PALLD: variants seen among roughly 807,000 people sequenced by gnomAD.
PALLD encodes palladin, cytoskeletal associated protein.
Under a neutral mutation model 123.5 loss-of-function variants are expected in PALLD, and 61 were observed. The ratio of observed to expected loss-of-function variants is 0.49; its 90% CI spans 0.40 to 0.61. The LOEUF is 0.61. PALLD is among the 20% of genes least tolerant of loss of function. PALLD has a pLI of 0.00. For synonymous variants in PALLD, 465 were observed against 496.4 expected (o/e 0.94, Z 0.84); for missense variants, 1,273 against 1,377.0 (o/e 0.92, Z 1.20).
rs1475325283 is a variant in PALLD, at chr4:168,881,264, T to C, written c.1965-9658T>C. ...CTGTTTTATTCTGTTTGTTTCACAC[T>C]GTTCTTATTTTCATCTGTAGACAGG... On this transcript the variant is annotated intron_variant, in intron 10 of 21. Coordinates refer to ENST00000505667, the MANE Select transcript of PALLD (RefSeq NM_001166108.2). Among the ~76,000 whole-genome samples, 4 of 152,272 alleles carry C rather than the reference T, an allele frequency of 2.6e-5. No homozygotes were observed. The East Asian group carries it at 7.8e-4, about 30-fold the overall frequency.
chr4:168,921,822 CAAT>C (rs1761566789), intron 18 of PALLD, 81 bp downstream of exon 18: 2 of 1,112,716 alleles, frequency 1.8e-6, no homozygotes, highest in Non-Finnish European at 2.7e-6. Flanking sequence ...CATTACTAAC[CAAT>C]ACGGAAAATA....
intron 10 of PALLD, among the ~76,000 whole-genome samples, chr4:168,815,191 A>G (rs1260199405): frequency 6.6e-6 from 1 of 152,210 alleles, no homozygotes; most frequent in Non-Finnish European, 1.5e-5. Flanking sequence ...TCTCATGGAC[A>G]TATGCTTGTG....
chr4:168,689,886 T>A (rs1470799204), intron 6 of PALLD, among the ~76,000 whole-genome samples: 1 of 152,216 alleles, frequency 6.6e-6, no homozygotes, highest in Non-Finnish European at 1.5e-5. Flanking sequence ...TAAGAACAAG[T>A]ATAAAAGCTT....
At chr4:168,768,071 A>C (rs1733918454) in intron 10 of PALLD, among the ~76,000 whole-genome samples, 1 of 152,192 alleles carries the variant, frequency 6.6e-6, no homozygotes. Context: ...TTCAAGACGT[A>C]GTTCAAATGT....
At chr4:168,748,626 G>T (rs1730623415) in intron 10 of PALLD, among the ~76,000 whole-genome samples, 1 of 152,192 alleles carries the variant, frequency 6.6e-6, no homozygotes, top group Non-Finnish European at 1.5e-5. Context: ...TCACAAGGCT[G>T]CAATCAAGGT....
At chr4:168,636,184 A>G (rs1295611480) in intron 2 of PALLD, among the ~76,000 whole-genome samples, 2 of 152,148 alleles carry the variant, frequency 1.3e-5, no homozygotes, top group African/African-American at 2.4e-5. Flanking sequence ...TTTGACCTCA[A>G]ACTCAGAACT....
chr4:168,802,303 T>C (rs1216910618), intron 10 of PALLD, among the ~76,000 whole-genome samples: 8 of 152,190 alleles, frequency 5.3e-5, no homozygotes, highest in East Asian at 1.9e-4. Flanking sequence ...GCTTTTTGGC[T>C]CACTCAGAGG....
chr4:168,845,216 C>T (rs1050202941), intron 10 of PALLD, among the ~76,000 whole-genome samples: 2 of 152,174 alleles, frequency 1.3e-5, no homozygotes, highest in African/African-American at 4.8e-5. Flanking sequence ...TGCTTTCTAT[C>T]AAGGGATACG....
intron 10 of PALLD, among the ~76,000 whole-genome samples, chr4:168,758,557 A>G (rs529006353): frequency 1.4e-4 from 21 of 152,198 alleles, no homozygotes; most frequent in Non-Finnish European, 2.2e-4. Context: ...AACTTGGTGA[A>G]CCATAAACCT....
chr4:168,789,710 A>AG (rs1432502739), intron 10 of PALLD, among the ~76,000 whole-genome samples: 1 of 152,034 alleles, frequency 6.6e-6, no homozygotes, highest in Non-Finnish European at 1.5e-5. Flanking sequence ...CTCAAAAAAA[A>AG]AAAAAAAAAA....
chr4:168,659,876 T>C (rs1205794673), intron 2 of PALLD, among the ~76,000 whole-genome samples: 1 of 152,232 alleles, frequency 6.6e-6, no homozygotes, highest in Admixed American at 6.5e-5. Context: ...TATTTCCTGC[T>C]AAGTGTTAGT....
intron 10 of PALLD, among the ~76,000 whole-genome samples, chr4:168,878,877 CTA>C (rs1485846876): frequency 2.0e-5 from 3 of 152,092 alleles, no homozygotes; most frequent in African/African-American, 4.8e-5. Flanking sequence ...CACCACCAAA[CTA>C]TGTGTTTTAT....
Position 168,877,761 on chromosome 4 carries a change from G to T in PALLD, c.1965-13161G>T. On this transcript the variant is annotated intron_variant, in intron 10 of 21. Transcript: ENST00000505667. ...CTCCAGCAACTCCAGAACCAAATCC[G>T]ACTGGAGCAGGAGGCCGGCGCTCGG... 4 of 1,182,690 alleles carry T rather than the reference G, an allele frequency of 3.4e-6. No individual in the cohort carries two copies. In the South Asian group the frequency reaches 1.5e-4, roughly 44 times the overall value. 73.3% of individuals were successfully genotyped at this position (1,182,690 alleles called of 1,614,324 possible).
intron 10 of PALLD, among the ~76,000 whole-genome samples, chr4:168,727,429 A>G (rs1786704301): frequency 6.6e-6 from 1 of 152,178 alleles, no homozygotes; most frequent in Non-Finnish European, 1.5e-5. Flanking sequence ...GTGACATGGT[A>G]TCTCATCATG....
intron 2 of PALLD, among the ~76,000 whole-genome samples, chr4:168,635,631 G>A (rs1376753316): frequency 2.0e-5 from 3 of 152,198 alleles, no homozygotes; most frequent in Admixed American, 6.5e-5. Flanking sequence ...ACTAGCTAGA[G>A]AAGTGCCATG....
At chr4:168,659,608 A>G (rs139864920) in intron 2 of PALLD, among the ~76,000 whole-genome samples, 2 of 152,330 alleles carry the variant, frequency 1.3e-5, no homozygotes, top group African/African-American at 4.8e-5. Context: ...TAAAGACTCA[A>G]CAGTTTTTAA....
rs146512227 is a variant in PALLD, at chr4:168,840,416, C to T, written c.1965-50506C>T. On this transcript the variant is annotated intron_variant, in intron 10 of 21. Transcript: ENST00000505667. ...GGCTAATAAGGCAGCTGTCCAAGTT[C>T]ATGATTCCTTGGCCCTTCTTTATAC... 1.8e-3 allele frequency among the ~76,000 whole-genome samples: 269 copies of T among 152,306 alleles called. 4 individuals carry two copies. The highest frequency in any genetic ancestry group is 7.1e-3 in the East Asian group (37 of 5,182).
chr4:168,509,604 G>C (rs1580038811), intron 1 of PALLD, among the ~76,000 whole-genome samples: 1 of 152,126 alleles, frequency 6.6e-6, no homozygotes, highest in East Asian at 1.9e-4. Context: ...AGTGATATTT[G>C]GGTTAGTAAA....
At chr4:168,771,365 G>A (rs1229568580) in intron 10 of PALLD, among the ~76,000 whole-genome samples, 1 of 152,154 alleles carries the variant, frequency 6.6e-6, no homozygotes, top group Non-Finnish European at 1.5e-5. Flanking sequence ...CATGTATAAT[G>A]TCTTTGCCTC....
Sources: gnomAD v4.1 joint callset for allele counts (sites outside exome capture counted in the v4.1 genomes callset) on GRCh38, gnomAD v4.1.1 for gene constraint, MANE v1.5 for transcripts, NCBI Gene and HGNC (gene_info 2026-07-23, HGNC 2026-07-21) for gene names.